The following SOCS2 variants were observed in gnomAD, a reference collection of about 807,000 sequenced individuals.
The protein encoded by SOCS2 is suppressor of cytokine signaling 2, also known as CIS-2.
A neutral mutation model predicts 18.6 loss-of-function variants in SOCS2; 10 were observed. The ratio of observed to expected loss-of-function variants is 0.54; its 90% CI spans 0.33 to 0.91. The LOEUF (loss-of-function observed/expected upper bound fraction) is 0.91, where lower values mean the gene tolerates loss of function less well. Ranked by LOEUF, SOCS2 falls within the 40% of genes least tolerant of loss-of-function variation. SOCS2 has a pLI of 0.02. For missense variants in SOCS2, 231 were observed against 247.2 expected (o/e 0.93, Z 0.44); for synonymous variants, 104 against 104.0 (o/e 1.00, Z 0.00).
chr12:93,575,293 A>C lies in SOCS2; in HGVS notation c.*114A>C. ...ACTATATGGAATGCTTTCTAAGAAC[A>C]GCTGAAGCTAATCTAATTTAAATTT... On this transcript the variant is annotated 3_prime_UTR_variant, in exon 2 of 2. Coordinates refer to ENST00000551556, the MANE Select transcript of SOCS2 (RefSeq NM_001270471.2). 1.5e-6 allele frequency: 1 copy of C among 671,542 alleles called. No individual in the cohort carries two copies. Among genetic ancestry groups the C allele is most frequent in the East Asian group, 2.9e-5 (1 of 34,246 alleles). 41.6% of individuals were successfully genotyped at this position (671,542 alleles called of 1,614,324 possible). A position where few individuals can be genotyped will look rare whatever the true frequency, so the allele number is the denominator to read the frequency against.
At chr12:93,597,906 C>T in the SOCS2 span, among the ~76,000 whole-genome samples, 1 of 152,156 alleles carries the variant, frequency 6.6e-6, no homozygotes, top group African/African-American at 2.4e-5. Context: ...TGTCTACAAA[C>T]ACTATGTAGT....
upstream of SOCS2, chr12:93,571,678 G>C (rs1565837147): frequency 7.6e-6 from 2 of 262,776 alleles, no homozygotes; most frequent in African/African-American, 4.7e-5. Context: ...AATGATCCTC[G>C]AGGCTTTTGT....
chr12:93,609,120 G>A, the SOCS2 span, among the ~76,000 whole-genome samples: 37 of 152,090 alleles, frequency 2.4e-4, no homozygotes, highest in African/African-American at 7.7e-4. Flanking sequence ...GGCCAGGTAC[G>A]GTGGCTCATG....
chr12:93,590,181 G>A, the SOCS2 span, among the ~76,000 whole-genome samples: 3 of 151,968 alleles, frequency 2.0e-5, no homozygotes, highest in East Asian at 1.9e-4. Context: ...GTTGTAGTAA[G>A]CTGAGATCGC....
At chr12:93,607,272 G>A in the SOCS2 span, among the ~76,000 whole-genome samples, 8,598 of 152,248 alleles carry the variant, frequency 0.056, 344 homozygotes, top group Admixed American at 0.14. Flanking sequence ...GAAAAAAGTA[G>A]CATTGAAACC....
the SOCS2 span, among the ~76,000 whole-genome samples, chr12:93,594,537 C>A: frequency 6.6e-6 from 1 of 152,022 alleles, no homozygotes; most frequent in Non-Finnish European, 1.5e-5. Flanking sequence ...TGCTAATGGC[C>A]TTGATAGGAT....
chr12:93,574,643 A>G, intron 1 of SOCS2, 79 bp from the exon 2 acceptor site: 1 of 981,918 alleles, frequency 1.0e-6, no homozygotes, highest in Non-Finnish European at 1.4e-6. Flanking sequence ...AATTATTGCC[A>G]ATTACTTGCT....
chr12:93,588,764 G>T, the SOCS2 span, among the ~76,000 whole-genome samples: 38 of 152,018 alleles, frequency 2.5e-4, no homozygotes, highest in Non-Finnish European at 4.9e-4. Context: ...CTACAGGCAT[G>T]CACCACCAAG....
downstream of SOCS2, among the ~76,000 whole-genome samples, chr12:93,576,896 G>A (rs1270099565): frequency 2.0e-5 from 3 of 152,224 alleles, no homozygotes; most frequent in Non-Finnish European, 4.4e-5. Context: ...TTCAAGAAAA[G>A]CTAGACATTT....
upstream of SOCS2, chr12:93,571,876 G>A (rs1252303656): frequency 7.0e-6 from 3 of 427,388 alleles, no homozygotes; most frequent in Admixed American, 7.5e-5. Flanking sequence ...GAGGCTGCCT[G>A]GTGCGGAGGC....
At chr12:93,619,201 C>T in the SOCS2 span, among the ~76,000 whole-genome samples, 10 of 152,288 alleles carry the variant, frequency 6.6e-5, 1 homozygote, top group East Asian at 1.9e-4. Context: ...GCCATGGCAA[C>T]GCAGGGGACA....
the SOCS2 span, among the ~76,000 whole-genome samples, chr12:93,599,363 T>A: frequency 2.6e-5 from 4 of 152,242 alleles, no homozygotes; most frequent in African/African-American, 9.6e-5. Flanking sequence ...GGTCTTGCAA[T>A]GTTGCCCAGG....
chr12:93,615,108 C>T, the SOCS2 span, among the ~76,000 whole-genome samples: 1 of 152,262 alleles, frequency 6.6e-6, no homozygotes, highest in Admixed American at 6.5e-5. Flanking sequence ...CCCTCTCCCC[C>T]ACTGGGATAG....
chr12:93,583,733 C>G (rs1445374408), downstream of SOCS2, among the ~76,000 whole-genome samples: 1 of 152,166 alleles, frequency 6.6e-6, no homozygotes, highest in Non-Finnish European at 1.5e-5. Flanking sequence ...CTATAACAGA[C>G]CAACTCTTGG....
the SOCS2 span, among the ~76,000 whole-genome samples, chr12:93,607,693 T>C: frequency 0.062 from 9,403 of 152,208 alleles, 534 homozygotes; most frequent in African/African-American, 0.15. Flanking sequence ...TTTAATGCAA[T>C]AGTTGAAACT....
the SOCS2 span, among the ~76,000 whole-genome samples, chr12:93,618,714 C>T: frequency 6.6e-6 from 1 of 152,220 alleles, no homozygotes; most frequent in African/African-American, 2.4e-5. Context: ...CCCCTCTCAG[C>T]CATTCTATGT....
chr12:93,590,341 G>C, the SOCS2 span, among the ~76,000 whole-genome samples: 1 of 151,952 alleles, frequency 6.6e-6, no homozygotes, highest in Admixed American at 6.5e-5. Flanking sequence ...CAAGATTTTA[G>C]AAAAAGGCAC....
chr12:93,577,639 C>G (rs544648765), downstream of SOCS2, among the ~76,000 whole-genome samples: 69 of 151,838 alleles, frequency 4.5e-4, no homozygotes, highest in Middle Eastern at 0.014. Flanking sequence ...GGTGTTTTTA[C>G]TGCTGTTCAA....
the SOCS2 span, among the ~76,000 whole-genome samples, chr12:93,618,815 G>A: frequency 2.6e-4 from 40 of 152,318 alleles, no homozygotes; most frequent in African/African-American, 9.1e-4. Flanking sequence ...CCCCATAAGG[G>A]CAAGGATGTT....
Sources: allele counts gnomAD v4.1 joint callset (sites outside exome capture counted in the v4.1 genomes callset), GRCh38; gene constraint gnomAD v4.1.1; transcripts MANE v1.5; gene names NCBI Gene and HGNC (gene_info 2026-07-23, HGNC 2026-07-21).